The following BTF3L4 variants were observed in gnomAD, a reference collection of about 807,000 sequenced individuals.
BTF3L4 encodes basic transcription factor 3 like 4, also known as transcription factor BTF3 homolog 4.
BTF3L4 carries 6 observed loss-of-function variants against 16.8 expected under a neutral mutation model. The observed-to-expected ratio is 0.36, with a 90% confidence interval of 0.20 to 0.71. The LOEUF is 0.71. Ranked by LOEUF, BTF3L4 falls within the 30% of genes least tolerant of loss-of-function variation. The probability of loss-of-function intolerance (pLI) is 0.58; values close to 1 mark genes in which losing one functional copy is unlikely to be tolerated. For synonymous variants in BTF3L4, 39 were observed against 59.8 expected (o/e 0.65, Z 1.60); for missense variants, 92 against 186.9 (o/e 0.49, Z 2.96).
At chr1:52,077,645 A>C (rs535962324) in intron 3 of BTF3L4, among the ~76,000 whole-genome samples, 1 of 152,334 alleles carries the variant, frequency 6.6e-6, no homozygotes, top group Non-Finnish European at 1.5e-5. Context: ...TCAAGCCTCC[A>C]TGAACTGAGA....
At chr1:52,082,925 A>G (rs1005548370) in intron 3 of BTF3L4, among the ~76,000 whole-genome samples, 2 of 152,128 alleles carry the variant, frequency 1.3e-5, no homozygotes, top group East Asian at 1.9e-4. Flanking sequence ...CTTTGTAACC[A>G]GTCCCCTAAG....
intron 4 of BTF3L4, among the ~76,000 whole-genome samples, chr1:52,085,777 G>A (rs557750365): frequency 8.6e-5 from 13 of 152,034 alleles, no homozygotes; most frequent in East Asian, 1.9e-4. Context: ...CTTGGGAGGT[G>A]GAGACTGTAG....
chr1:52,082,027 T>C (rs565288893), intron 3 of BTF3L4, among the ~76,000 whole-genome samples: 3 of 152,320 alleles, frequency 2.0e-5, no homozygotes, highest in Admixed American at 6.5e-5. Context: ...AATCATGAAA[T>C]GCTTCTAAAG....
intron 3 of BTF3L4, among the ~76,000 whole-genome samples, chr1:52,068,220 A>G (rs1022932244): frequency 6.6e-6 from 1 of 152,206 alleles, no homozygotes; most frequent in Admixed American, 6.5e-5. Flanking sequence ...TCAAACCTAT[A>G]ATACTGTGCC....
chr1:52,065,219 T>C (rs916253495), intron 3 of BTF3L4: 1 of 185,602 alleles, frequency 5.4e-6, no homozygotes, highest in African/African-American at 2.4e-5. Context: ...AAAATATGTC[T>C]CTAATAATGT....
chr1:52,062,925 C>T (rs1422755267), intron 2 of BTF3L4, among the ~76,000 whole-genome samples: 5 of 23,174 alleles, frequency 2.2e-4, no homozygotes, highest in South Asian at 2.2e-3. Context: ...TCCTCGCATA[C>T]GCAGCTCACA....
chr1:52,075,116 C>T (rs1453527562), intron 3 of BTF3L4, among the ~76,000 whole-genome samples: 1 of 151,948 alleles, frequency 6.6e-6, no homozygotes, highest in East Asian at 1.9e-4. Context: ...ATTAAAAAAA[C>T]TCCTTTTAAT....
At chr1:52,060,256 T>C (rs1686476284) in intron 2 of BTF3L4, among the ~76,000 whole-genome samples, 1 of 152,216 alleles carries the variant, frequency 6.6e-6, no homozygotes, top group Non-Finnish European at 1.5e-5. Flanking sequence ...ACACCTAATG[T>C]GGTGTCTAGC....
chr1:52,078,410 C>T (rs999631812), intron 3 of BTF3L4, among the ~76,000 whole-genome samples: 8 of 152,018 alleles, frequency 5.3e-5, no homozygotes, highest in Non-Finnish European at 8.8e-5. Flanking sequence ...ATTCATTCAG[C>T]AGATTTGAGT....
rs1382621094 is a variant in BTF3L4 at position 52,087,864 on chromosome 1, C to G, written c.*1106C>G. 1.3e-5 allele frequency: 2 copies of G among 152,674 alleles called. No homozygotes were observed. Among genetic ancestry groups the G allele is most frequent in the Non-Finnish European group, 2.9e-5 (2 of 68,014 alleles). 9.5% of individuals were successfully genotyped at this position (152,674 alleles called of 1,614,324 possible). A position where few individuals can be genotyped will look rare whatever the true frequency, so the allele number is the denominator to read the frequency against. On this transcript the variant is annotated 3_prime_UTR_variant, in exon 6 of 6. Coordinates refer to ENST00000313334, the MANE Select transcript of BTF3L4 (RefSeq NM_152265.5). ...GGTACTGGCCCTAGGAGGATTTCCT[C>G]AACCACTCTCCTACTCTTGGCCTTG...
At chr1:52,060,660 G>A in intron 2 of BTF3L4, 11 of 1,054,518 alleles carry the variant, frequency 1.0e-5, no homozygotes, top group Non-Finnish European at 1.2e-5. Context: ...ACCTGAAGTG[G>A]TAGGTAGGAC....
intron 3 of BTF3L4, among the ~76,000 whole-genome samples, chr1:52,065,715 T>G (rs1244776836): frequency 6.6e-6 from 1 of 152,200 alleles, no homozygotes; most frequent in African/African-American, 2.4e-5. Flanking sequence ...GTTAGATTTC[T>G]TATTAAAACT....
At chr1:52,059,955 T>G in intron 2 of BTF3L4, 54 bp downstream of exon 2, 1 of 1,503,982 alleles carries the variant, frequency 6.6e-7, no homozygotes, top group Non-Finnish European at 9.1e-7. Context: ...CCAGATAGTG[T>G]TATTATTTCG....
intron 3 of BTF3L4, among the ~76,000 whole-genome samples, chr1:52,076,515 C>T (rs979722686): frequency 1.4e-5 from 2 of 148,076 alleles, no homozygotes; most frequent in Non-Finnish European, 3.0e-5. Context: ...AGGCGGAGGT[C>T]GCAGTGAGCC....
In BTF3L4 at chr1:52,090,616, C is replaced by T. The variant is rs1307623743; in HGVS notation, c.*3858C>T. The T allele has an allele frequency of 1.3e-5, 2 of 152,130 alleles. No individual in the cohort carries two copies. Among genetic ancestry groups the T allele is most frequent in the African/African-American group, 4.8e-5 (2 of 41,436 alleles). 9.4% of individuals were successfully genotyped at this position (152,130 alleles called of 1,614,324 possible). ...TAGAGTATTAAGATTATTTGATTTT[C>T]TTTTTACTTTCTCGTAGTGCCCAAT... is the stretch of plus-strand genomic sequence containing the variant. On this transcript the variant is annotated 3_prime_UTR_variant, in exon 6 of 6. Transcript: ENST00000313334.
intron 3 of BTF3L4, among the ~76,000 whole-genome samples, chr1:52,079,163 G>A (rs7530349): frequency 0.043 from 6,589 of 152,084 alleles, 414 homozygotes; most frequent in African/African-American, 0.14. Flanking sequence ...ATAATAGCTC[G>A]TGCCCAGAAG....
At chr1:52,074,843 T>A (rs953920677) in intron 3 of BTF3L4, among the ~76,000 whole-genome samples, 10 of 152,144 alleles carry the variant, frequency 6.6e-5, no homozygotes, top group Non-Finnish European at 1.2e-4. Flanking sequence ...TTTACTTTTT[T>A]AATTTTTAAA....
At chr1:52,075,022 G>T (rs542824498) in intron 3 of BTF3L4, among the ~76,000 whole-genome samples, 1 of 151,778 alleles carries the variant, frequency 6.6e-6, no homozygotes, top group Non-Finnish European at 1.5e-5. Flanking sequence ...CTCCCAAGGT[G>T]CTAGGATTAC....
At chr1:52,059,256 C>A (rs1686451045) in intron 1 of BTF3L4, among the ~76,000 whole-genome samples, 1 of 152,196 alleles carries the variant, frequency 6.6e-6, no homozygotes, top group African/African-American at 2.4e-5. Context: ...GGTTCTCTTT[C>A]CCCATTATTA....
Sources: allele counts gnomAD v4.1 joint callset (sites outside exome capture counted in the v4.1 genomes callset), GRCh38; gene constraint gnomAD v4.1.1; transcripts MANE v1.5; gene names NCBI Gene and HGNC (gene_info 2026-07-23, HGNC 2026-07-21).